The following FGF14 variants were observed in gnomAD, a reference collection of about 807,000 sequenced individuals.
FGF14 encodes fibroblast growth factor 14.
FGF14 carries 5 observed loss-of-function variants against 25.5 expected under a neutral mutation model. The observed-to-expected ratio is 0.20, with a 90% CI of 0.10 to 0.41. The LOEUF (loss-of-function observed/expected upper bound fraction) is 0.41, where lower values mean the gene tolerates loss of function less well. Among genes scored for constraint, FGF14 ranks in the 10% least tolerant of loss-of-function variants. The pLI, the probability that FGF14 is intolerant of heterozygous loss-of-function variation, is 1.00. For missense variants in FGF14, 222 were observed against 320.1 expected (o/e 0.69, Z 2.34); for synonymous variants, 138 against 118.3 (o/e 1.17, Z -1.08).
intron 3 of FGF14, among the ~76,000 whole-genome samples, chr13:101,828,230 C>T (rs2984850): frequency 0.61 from 92,872 of 151,788 alleles, 29,094 homozygotes; most frequent in African/African-American, 0.75. Flanking sequence ...ACAAGTCAAT[C>T]TGCAGACGCC....
At chr13:102,115,502 T>C (rs1012890622) in intron 1 of FGF14, among the ~76,000 whole-genome samples, 2 of 152,238 alleles carry the variant, frequency 1.3e-5, no homozygotes, top group Non-Finnish European at 2.9e-5. Flanking sequence ...TTCATGTCAT[T>C]GCTGACCACA....
At chr13:102,321,167 C>G (rs991590686) in intron 1 of FGF14, among the ~76,000 whole-genome samples, 2 of 152,094 alleles carry the variant, frequency 1.3e-5, no homozygotes, top group African/African-American at 4.8e-5. Flanking sequence ...GGACAGACCC[C>G]TTCATTGCAA....
chr13:102,172,980 G>T (rs1022794094), intron 1 of FGF14, among the ~76,000 whole-genome samples: 1 of 152,134 alleles, frequency 6.6e-6, no homozygotes, highest in East Asian at 1.9e-4. Flanking sequence ...CAAACAGTCT[G>T]TTTGGCTGGC....
intron 3 of FGF14, among the ~76,000 whole-genome samples, chr13:101,789,235 TC>T (rs1258710531): frequency 6.6e-6 from 1 of 152,042 alleles, no homozygotes; most frequent in Non-Finnish European, 1.5e-5. Context: ...GACATCATTT[TC>T]CCTATTTCCA....
intron 1 of FGF14, among the ~76,000 whole-genome samples, chr13:102,323,461 A>C (rs2056316675): frequency 6.6e-6 from 1 of 152,232 alleles, no homozygotes; most frequent in Admixed American, 6.5e-5. Flanking sequence ...TTGTCTAACC[A>C]ATAAATACAT....
intron 3 of FGF14, among the ~76,000 whole-genome samples, chr13:101,734,556 T>C (rs896382348): frequency 1.3e-5 from 2 of 152,188 alleles, no homozygotes; most frequent in African/African-American, 2.4e-5. Flanking sequence ...AAAATAAATA[T>C]GCTCAAGAAA....
At chr13:102,123,359 T>A (rs1374597966) in intron 1 of FGF14, among the ~76,000 whole-genome samples, 1 of 152,166 alleles carries the variant, frequency 6.6e-6, no homozygotes, top group Non-Finnish European at 1.5e-5. Flanking sequence ...ATAATTAAGT[T>A]AGAAAATGAA....
At chr13:102,214,070 C>T (rs2050268096) in intron 1 of FGF14, among the ~76,000 whole-genome samples, 1 of 152,214 alleles carries the variant, frequency 6.6e-6, no homozygotes, top group Non-Finnish European at 1.5e-5. Flanking sequence ...AGCATCGAGT[C>T]CCTCCGCTGC....
chr13:101,954,670 C>A (rs182105397), intron 1 of FGF14, among the ~76,000 whole-genome samples: 2 of 151,948 alleles, frequency 1.3e-5, no homozygotes, highest in African/African-American at 2.4e-5. Flanking sequence ...TGAGGGCACT[C>A]GGCAGAAGAC....
chr13:102,008,664 G>T (rs1422189016), intron 1 of FGF14, among the ~76,000 whole-genome samples: 1 of 151,374 alleles, frequency 6.6e-6, no homozygotes, highest in Non-Finnish European at 1.5e-5. Context: ...TTTTTTTATT[G>T]CTCTCTTGAA....
intron 1 of FGF14, among the ~76,000 whole-genome samples, chr13:102,099,336 C>T (rs1291473825): frequency 6.6e-6 from 1 of 152,168 alleles, no homozygotes; most frequent in Non-Finnish European, 1.5e-5. Context: ...TGCAGAGAAA[C>T]AGCGTGCTCT....
intron 3 of FGF14, among the ~76,000 whole-genome samples, chr13:101,818,403 AT>A (rs1419437685): frequency 6.6e-6 from 1 of 152,166 alleles, no homozygotes; most frequent in African/African-American, 2.4e-5. Flanking sequence ...CATGTAGGAT[AT>A]TTTGGGTAGC....
chr13:102,073,228 G>A (rs1050642876), intron 1 of FGF14, among the ~76,000 whole-genome samples: 1 of 152,026 alleles, frequency 6.6e-6, no homozygotes, highest in Non-Finnish European at 1.5e-5. Flanking sequence ...CTCCAGTCTG[G>A]GTGACAGAGC....
At chr13:102,124,053 A>G (rs1185522713) in intron 1 of FGF14, among the ~76,000 whole-genome samples, 1 of 116,146 alleles carries the variant, frequency 8.6e-6, no homozygotes, top group Non-Finnish European at 2.0e-5. Context: ...CAGCAATGAG[A>G]AAGAGAAAGT....
chr13:101,917,501 C>T (rs1362507153), upstream of FGF14, among the ~76,000 whole-genome samples: 1 of 152,116 alleles, frequency 6.6e-6, no homozygotes, highest in Non-Finnish European at 1.5e-5. Context: ...GTTCCCGAGC[C>T]TTCCGCGGCT....
At chr13:101,931,013 G>A (rs1332615192) in intron 1 of FGF14, among the ~76,000 whole-genome samples, 1 of 152,152 alleles carries the variant, frequency 6.6e-6, no homozygotes, top group Non-Finnish European at 1.5e-5. Flanking sequence ...TGGCCCCAAA[G>A]CCTGGTTTTC....
At chr13:102,285,449 T>G (rs932460559) in intron 1 of FGF14, among the ~76,000 whole-genome samples, 1 of 152,168 alleles carries the variant, frequency 6.6e-6, no homozygotes, top group Non-Finnish European at 1.5e-5. Context: ...AGTTAAGACT[T>G]ATATCAACAA....
Position 102,338,685 on chromosome 13 carries a change from T to C in FGF14, c.208+62786A>G, listed in dbSNP as rs182783571. 2.6e-5 allele frequency among the ~76,000 whole-genome samples: 4 copies of C among 152,070 alleles called. No homozygotes were observed. The East Asian group carries it at 7.7e-4, about 29-fold the overall frequency. On this transcript the variant is annotated intron_variant, in intron 1 of 4. Coordinates refer to the FGF14 transcript ENST00000376131. The stretch of plus-strand genomic sequence containing the variant: ...AAAGATGTGATGTTGTGCCCATGAA[T>C]TAAAAACAAGATATCATAAAAAGGA...
Position 101,752,466 on chromosome 13 carries a change from AATG to A in FGF14, c.409-25659_409-25657del, listed in dbSNP as rs1266400152. On this transcript the variant is annotated intron_variant, in intron 3 of 4. Transcript: ENST00000376143. ...AATACAAACAAGTCTTAATATTGTG[AATG>A]ATGATATTAAACTAAAAATAATATT... Among the ~76,000 whole-genome samples, 7 of 152,348 alleles carry A rather than the reference AATG, an allele frequency of 4.6e-5. No homozygotes were observed. In the South Asian group the frequency reaches 1.5e-3, roughly 32 times the overall value.
Sources: gnomAD v4.1 joint callset for allele counts (sites outside exome capture counted in the v4.1 genomes callset) on GRCh38, gnomAD v4.1.1 for gene constraint, MANE v1.5 for transcripts, NCBI Gene and HGNC (gene_info 2026-07-23, HGNC 2026-07-21) for gene names.